Variants in PTPRN2 observed in about 807,000 individuals in gnomAD.
The protein encoded by PTPRN2 is receptor-type tyrosine-protein phosphatase N2.
A neutral mutation model predicts 118.8 loss-of-function variants in PTPRN2; 74 were observed. The ratio of observed to expected loss-of-function variants is 0.62; its 90% CI spans 0.52 to 0.76. The LOEUF is 0.76. Among genes scored for constraint, PTPRN2 ranks in the 30% least tolerant of loss-of-function variants. The probability of loss-of-function intolerance (pLI) is 0.00; values close to 1 mark genes in which losing one functional copy is unlikely to be tolerated. For synonymous variants in PTPRN2, 641 were observed against 608.0 expected, an observed-to-expected ratio of 1.05 and a Z score of -0.80; for missense variants, 1,481 against 1,394.4, an observed-to-expected ratio of 1.06 and a Z score of -0.99.
chr7:157,991,042 A>G (rs1272726811), intron 11 of PTPRN2, among the ~76,000 whole-genome samples: 1 of 152,144 alleles, frequency 6.6e-6, no homozygotes, highest in East Asian at 1.9e-4. Context: ...GCTCATCTCC[A>G]CTGCCAGGCT....
chr7:157,735,950 G>C (rs1359104932), intron 12 of PTPRN2, among the ~76,000 whole-genome samples: 1 of 152,256 alleles, frequency 6.6e-6, no homozygotes, highest in Non-Finnish European at 1.5e-5. Context: ...CCCTTTCTGA[G>C]CTGAAGGTGA....
In PTPRN2 at chr7:157,598,807, C is replaced by T. The variant is rs1429107838; in HGVS notation, c.2419-3492G>A. The stretch of plus-strand genomic sequence containing the variant: ...TTCCTCAAGCACAGAGCTGCTGTGT[C>T]CTCCAGTGGTGTGCGGGGCCAAGCA... On this transcript the variant is annotated intron_variant, in intron 16 of 22. Coordinates refer to ENST00000389418, the MANE Select transcript of PTPRN2 (RefSeq NM_002847.5). The surrounding 1 kb of genome is among the most constrained non-coding windows in gnomAD (Gnocchi z 5.2). 1.3e-5 allele frequency among the ~76,000 whole-genome samples: 2 copies of T among 152,172 alleles called. No individual in the cohort carries two copies. Among genetic ancestry groups the T allele is most frequent in the Non-Finnish European group, 2.9e-5 (2 of 68,032 alleles).
intron 3 of PTPRN2, among the ~76,000 whole-genome samples, chr7:158,220,322 C>T (rs1828264721): frequency 6.6e-6 from 1 of 152,036 alleles, no homozygotes; most frequent in Non-Finnish European, 1.5e-5. Flanking sequence ...CTAGCCAGAG[C>T]AGTCAGGCAA....
intron 11 of PTPRN2, among the ~76,000 whole-genome samples, chr7:157,960,046 A>G (rs938199634): frequency 3.9e-5 from 6 of 152,032 alleles, no homozygotes; most frequent in Admixed American, 6.6e-5. Context: ...GTAAACCTTG[A>G]GGATATTATG....
intron 3 of PTPRN2, among the ~76,000 whole-genome samples, chr7:158,250,418 G>C (rs1197900643): frequency 6.6e-6 from 1 of 152,148 alleles, no homozygotes; most frequent in Non-Finnish European, 1.5e-5. Flanking sequence ...AAACAAGGCA[G>C]AAATTGCACA....
At chr7:158,370,891 T>C (rs968435866) in intron 2 of PTPRN2, among the ~76,000 whole-genome samples, 1 of 152,230 alleles carries the variant, frequency 6.6e-6, no homozygotes, top group Non-Finnish European at 1.5e-5. Context: ...GTTTACTAAA[T>C]ACCACACAAA....
intron 1 of PTPRN2, 34 bp downstream of exon 1, chr7:158,587,524 T>G: frequency 1.9e-6 from 2 of 1,070,564 alleles, no homozygotes; most frequent in Non-Finnish European, 2.3e-6. Context: ...AACTAATTCA[T>G]TGAGGCGCCC....
In PTPRN2 at chr7:157,944,657, T is replaced by G. The variant is rs1585062408; in HGVS notation, c.1724-45920A>C. On this transcript the variant is annotated intron_variant, in intron 11 of 22. Transcript: ENST00000389418. This position sits in a 1 kb window ranked among gnomAD's most constrained non-coding sequence, Gnocchi z 4.3. ...GTCCACAGAGGCTGGAACACCAAAA[T>G]AGAGGCAAAAGTCCTGAGAAGGGAG... Among the ~76,000 whole-genome samples, 1 of 152,146 alleles carries G rather than the reference T, an allele frequency of 6.6e-6. No homozygotes were observed. The highest frequency in any genetic ancestry group is 2.1e-4 in the South Asian group (1 of 4,828).
chr7:158,382,954 T>C (rs77519420), intron 2 of PTPRN2, among the ~76,000 whole-genome samples: 1,891 of 152,188 alleles, frequency 0.012, 46 homozygotes, highest in African/African-American at 0.043. Flanking sequence ...CCCCCAACCA[T>C]GGTCCATGGA....
In PTPRN2 at chr7:158,531,815, G is replaced by T. The variant is rs558941673; in HGVS notation, c.113-42030C>A. ...CATAGAAAGAACGTGGTGAACAGGAGCATATTTTACACAAACACATGCCTC... is the reference window on the plus strand; with the variant it reads ...CATAGAAAGAACGTGGTGAACAGGATCATATTTTACACAAACACATGCCTC... On this transcript the variant is annotated intron_variant, in intron 1 of 22. Coordinates refer to ENST00000389418, the MANE Select transcript of PTPRN2 (RefSeq NM_002847.5). Among the ~76,000 whole-genome samples, 7 of 152,234 alleles carry T rather than the reference G, an allele frequency of 4.6e-5. No individual in the cohort carries two copies. In the East Asian group the frequency reaches 1.4e-3, roughly 29 times the overall value.
intron 11 of PTPRN2, among the ~76,000 whole-genome samples, chr7:157,979,451 T>C (rs914982829): frequency 6.6e-6 from 1 of 152,242 alleles, no homozygotes; most frequent in Non-Finnish European, 1.5e-5. Flanking sequence ...ACGGTGACAC[T>C]GGCAACTGCA....
intron 1 of PTPRN2, among the ~76,000 whole-genome samples, chr7:158,505,783 G>A (rs955633563): frequency 1.5e-4 from 23 of 152,158 alleles, no homozygotes; most frequent in South Asian, 1.0e-3. Context: ...TTCTTCCACC[G>A]TACACGTGTA....
chr7:157,608,071 A>G (rs1230129917), intron 15 of PTPRN2, among the ~76,000 whole-genome samples: 1 of 152,126 alleles, frequency 6.6e-6, no homozygotes, highest in Admixed American at 6.5e-5. Context: ...TTACCAGCGA[A>G]GTCTTTTTTT....
chr7:157,806,887 C>A (rs1229332658), intron 12 of PTPRN2, among the ~76,000 whole-genome samples: 12 of 152,264 alleles, frequency 7.9e-5, no homozygotes, highest in Admixed American at 3.3e-4. Context: ...CATGCACAGC[C>A]TCTATCCCAT....
At chr7:158,359,044 G>A (rs1808619285) in intron 2 of PTPRN2, among the ~76,000 whole-genome samples, 1 of 152,192 alleles carries the variant, frequency 6.6e-6, no homozygotes, top group South Asian at 2.1e-4. Context: ...GGACTATGAG[G>A]TTGATGATGA....
At chr7:158,375,136 G>T (rs996044560) in intron 2 of PTPRN2, among the ~76,000 whole-genome samples, 2 of 152,130 alleles carry the variant, frequency 1.3e-5, no homozygotes, top group Non-Finnish European at 1.5e-5. Context: ...CCCTAAATAT[G>T]AGAGGCAGTG....
chr7:158,332,483 G>T (rs35873590), intron 2 of PTPRN2, among the ~76,000 whole-genome samples: 23,581 of 92,346 alleles, frequency 0.26, 4,252 homozygotes, highest in Middle Eastern at 0.4. Context: ...TCTACAGACG[G>T]CACTCACACC....
rs186768117 is a variant in PTPRN2 at position 157,646,157 on chromosome 7, G to A, written c.2196+10200C>T. On this transcript the variant is annotated intron_variant, in intron 14 of 22. Transcript: ENST00000389418. The stretch of plus-strand genomic sequence containing the variant: ...CGCTGCCTCCGCATGGCCTTGTGAT[G>A]TGGTTTGGATCTGTGTCCTGGCCAG... Among the ~76,000 whole-genome samples, 386 of 152,314 alleles carry A rather than the reference G, an allele frequency of 2.5e-3. 9 individuals carry two copies. Among genetic ancestry groups the A allele is most frequent in the Non-Finnish European group, 6.6e-4 (45 of 68,034 alleles).
chr7:157,597,482 GTGT>G (rs1214849518), intron 16 of PTPRN2, among the ~76,000 whole-genome samples: 4 of 146,436 alleles, frequency 2.7e-5, no homozygotes, highest in Admixed American at 2.7e-4. Context: ...GTGTGTGTGT[GTGT>G]TTTTTTTTTT....
Sources: allele counts gnomAD v4.1 joint callset (sites outside exome capture counted in the v4.1 genomes callset), GRCh38; gene constraint gnomAD v4.1.1; non-coding constraint Gnocchi (gnomAD v3.1); transcripts MANE v1.5; gene names NCBI Gene and HGNC (gene_info 2026-07-23, HGNC 2026-07-21).